TIA1: variants seen among roughly 807,000 people sequenced by gnomAD.
TIA1 encodes the protein cytotoxic granule associated RNA binding protein TIA1.
In TIA1, 23 loss-of-function variants were observed where a neutral mutation model predicts 65.9. The ratio of observed to expected loss-of-function variants is 0.35; its 90% CI spans 0.25 to 0.49. The LOEUF is 0.49. TIA1 is among the 20% of genes least tolerant of loss of function. The pLI is 0.98. For missense variants in TIA1, 371 were observed against 477.9 expected (o/e 0.78, Z 2.09); for synonymous variants, 147 against 149.4 (o/e 0.98, Z 0.12).
intron 5 of TIA1, 112 bp from the exon 6 acceptor site, chr2:70,227,934 G>C (rs189131408): frequency 1.8e-6 from 1 of 556,632 alleles, no homozygotes; most frequent in Non-Finnish European, 3.0e-6. Flanking sequence ...TTATGATAAA[G>C]TATAAATAAA....
At position 70,215,368 on chromosome 2, in the gene TIA1, C is replaced by T; in HGVS notation, c.888+3G>A. ...TACTTCTCAAAGTTAAGAACCCTCTCACCTGTTGCACGGGATTTATCATAT... is the reference window on the plus strand; with the variant it reads ...TACTTCTCAAAGTTAAGAACCCTCTTACCTGTTGCACGGGATTTATCATAT... On this transcript the variant is annotated splice_donor_region_variant and intron_variant, in intron 11 of 12. Coordinates refer to ENST00000433529, the MANE Select transcript of TIA1 (RefSeq NM_022173.4). 1 of 1,613,804 alleles carries T rather than the reference C, an allele frequency of 6.2e-7. No homozygotes were observed. The highest frequency in any genetic ancestry group is 8.5e-7 in the Non-Finnish European group (1 of 1,179,932).
chr2:70,215,118 G>A (rs1480096688), intron 11 of TIA1: 3 of 432,166 alleles, frequency 6.9e-6, no homozygotes, highest in Non-Finnish European at 1.2e-5. Flanking sequence ...AAAAAAAGAT[G>A]TAATACCCTT....
intron 1 of TIA1, among the ~76,000 whole-genome samples, chr2:70,238,236 C>G (rs1324621324): frequency 6.8e-6 from 1 of 146,462 alleles, no homozygotes; most frequent in East Asian, 2.0e-4. Flanking sequence ...ATTACTACTA[C>G]TAAGAACATT....
intron 4 of TIA1, 43 bp downstream of exon 4, chr2:70,229,221 G>C: frequency 6.2e-7 from 1 of 1,607,362 alleles, no homozygotes; most frequent in Non-Finnish European, 8.5e-7. Flanking sequence ...AAACTACTGG[G>C]TACAATAAAA....
Position 70,230,797 on chromosome 2 carries a change from C to T in TIA1, c.181G>A (p.Ala61Thr). 6.2e-7 allele frequency: 1 copy of T among 1,612,580 alleles called. No homozygotes were observed. Among genetic ancestry groups the T allele is most frequent in the Non-Finnish European group, 8.5e-7 (1 of 1,179,478 alleles). Reference protein sequence around the residue: ...VEFHEHRHAAAALAAMNGRKI... With the variant: ...VEFHEHRHAATALAAMNGRKI... ...CGTCCATTCATAGCAGCTAATGCTGCAGCTGCATGACGATGCTCATGAAAC... is the reference window on the plus strand; with the variant it reads ...CGTCCATTCATAGCAGCTAATGCTGTAGCTGCATGACGATGCTCATGAAAC... Residue 61 changes from alanine to threonine, a missense_variant, in exon 3 of 13, where the codon GCA becomes ACA. Coordinates refer to ENST00000433529, the MANE Select transcript of TIA1 (RefSeq NM_022173.4).
chr2:70,237,719 C>T (rs918469487), intron 1 of TIA1, among the ~76,000 whole-genome samples: 2 of 151,826 alleles, frequency 1.3e-5, no homozygotes, highest in African/African-American at 4.8e-5. Context: ...CAAAAATTAG[C>T]CGGGCGTGGT....
At chr2:70,246,765 A>G (rs1287604777) in intron 1 of TIA1, among the ~76,000 whole-genome samples, 2 of 152,128 alleles carry the variant, frequency 1.3e-5, no homozygotes, top group African/African-American at 4.8e-5. Flanking sequence ...GCCCGCATGT[A>G]GTGCCAGCTA....
rs1384415173 is a variant in TIA1 at position 70,215,400 on chromosome 2, T to C, written c.859A>G (p.Thr287Ala). Residue 287 changes from threonine (T) to alanine (A), a missense_variant, in exon 11 of 13, where the codon ACT becomes GCT. Transcript: ENST00000433529. ...TGCACGGGATTTATCATATCAAGAGTTTCTTTGCCCCAATAGCATTTCACA... is the reference window on the plus strand; with the variant it reads ...TGCACGGGATTTATCATATCAAGAGCTTCTTTGCCCCAATAGCATTTCACA... ...HVVKCYWGKE[T>A]LDMINPVQQQ... 6.2e-7 allele frequency: 1 copy of C among 1,614,040 alleles called. No homozygotes were observed. Among genetic ancestry groups the C allele is most frequent in the Non-Finnish European group, 8.5e-7 (1 of 1,179,990 alleles).
chr2:70,223,817 T>A (rs1284775885), intron 7 of TIA1, among the ~76,000 whole-genome samples: 1 of 152,148 alleles, frequency 6.6e-6, no homozygotes, highest in African/African-American at 2.4e-5. Flanking sequence ...AGTATTTATC[T>A]CAAACTTCTC....
At position 70,230,496 on chromosome 2, in the gene TIA1, C is replaced by T. The variant is rs114664842; in HGVS notation, c.222+260G>A. Among the ~76,000 whole-genome samples, 2,137 of 151,802 alleles carry T rather than the reference C, an allele frequency of 0.014. 52 individuals are homozygous for T. The highest frequency in any genetic ancestry group is 0.049 in the African/African-American group (2,038 of 41,390). ...TGAAACCTCATTTCTACTAAAAATA[C>T]GAAAAATTAGCTGGGTGTGGTGGTG... On this transcript the variant is annotated intron_variant, in intron 3 of 12. Coordinates refer to ENST00000433529, the MANE Select transcript of TIA1 (RefSeq NM_022173.4).
In TIA1 at chr2:70,216,394, G is replaced by A; in HGVS notation, c.679+10C>T. 1 of 1,605,390 alleles carries A rather than the reference G, an allele frequency of 6.2e-7. No individual in the cohort carries two copies. The highest frequency in any genetic ancestry group is 1.7e-5 in the Admixed American group (1 of 57,962). On this transcript the variant is annotated intron_variant, in intron 9 of 12. Transcript: ENST00000433529. ...TAAAAATTAATGCCACACAGGGAAGGCTCCCATACCTGTTAGCCCAGAAGT... is the reference window on the plus strand; with the variant it reads ...TAAAAATTAATGCCACACAGGGAAGACTCCCATACCTGTTAGCCCAGAAGT...
intron 1 of TIA1, among the ~76,000 whole-genome samples, chr2:70,240,232 T>A (rs778887101): frequency 6.6e-6 from 1 of 152,198 alleles, no homozygotes; most frequent in Non-Finnish European, 1.5e-5. Flanking sequence ...TGCATATATA[T>A]AATATGAATT....
Position 70,214,465 on chromosome 2 carries a change from A to G in TIA1, c.918T>C (p.Tyr306=), listed in dbSNP as rs373992720. 1.0e-4 allele frequency: 167 copies of G among 1,613,626 alleles called. No homozygotes were observed. The highest frequency in any genetic ancestry group is 1.4e-4 in the Non-Finnish European group (163 of 1,179,872). The stretch of plus-strand genomic sequence containing the variant: ...TTCCATACCACTGGCCCCACTGGCC[A>G]TAAGGTTGGGGATATCCAATTTGAT... The part of the protein sequence containing the change: ...QQNQIGYPQP[Y]GQWGQWYGNA... The change falls in exon 12 of 13, where the codon TAT becomes TAC. Residue 306 remains tyrosine (Y), a synonymous_variant. Transcript: ENST00000433529.
chr2:70,218,151 C>T (rs1363782743), intron 7 of TIA1, among the ~76,000 whole-genome samples: 17 of 152,064 alleles, frequency 1.1e-4, no homozygotes. Flanking sequence ...AATATGGGCA[C>T]AAGGATCTAC....
chr2:70,244,549 A>G (rs906200800), intron 1 of TIA1, among the ~76,000 whole-genome samples: 2 of 152,236 alleles, frequency 1.3e-5, no homozygotes, highest in Non-Finnish European at 2.9e-5. Flanking sequence ...CCTTCAATCT[A>G]ATCTTTAAAA....
chr2:70,232,289 C>T (rs1686770526), intron 2 of TIA1, among the ~76,000 whole-genome samples: 1 of 150,980 alleles, frequency 6.6e-6, no homozygotes, highest in African/African-American at 2.4e-5. Flanking sequence ...ACCTGTAATC[C>T]CAGCACTTTG....
intron 2 of TIA1, among the ~76,000 whole-genome samples, chr2:70,233,727 T>C (rs1687558832): frequency 6.6e-6 from 1 of 150,884 alleles, no homozygotes; most frequent in African/African-American, 2.4e-5. Context: ...GATCATGCCA[T>C]TGCACTCCAG....
chr2:70,235,283 C>G (rs1389347078), intron 2 of TIA1, among the ~76,000 whole-genome samples: 1 of 151,970 alleles, frequency 6.6e-6, no homozygotes. Flanking sequence ...GGTGTAGTGG[C>G]GCATGCCTGT....
At chr2:70,214,209 C>T (rs1475476367) in intron 12 of TIA1, 140 bp downstream of exon 12, 1 of 936,914 alleles carries the variant, frequency 1.1e-6, no homozygotes, top group Non-Finnish European at 1.5e-6. Flanking sequence ...TACTAAAAAA[C>T]AATTTTAAGT....
Sources: gnomAD v4.1 joint callset for allele counts (sites outside exome capture counted in the v4.1 genomes callset) on GRCh38, gnomAD v4.1.1 for gene constraint, MANE v1.5 for transcripts, NCBI Gene and HGNC (gene_info 2026-07-23, HGNC 2026-07-21) for gene names.